Variants in RUNX1T1 observed in about 807,000 individuals in gnomAD.
RUNX1T1 encodes the protein RUNX1 partner transcriptional co-repressor 1, also known as protein CBFA2T1.
RUNX1T1 carries 4 observed loss-of-function variants against 62.8 expected under a neutral mutation model. The ratio of observed to expected loss-of-function variants is 0.06; its 90% CI spans 0.03 to 0.15. The LOEUF (loss-of-function observed/expected upper bound fraction) is 0.15. Ranked by LOEUF, RUNX1T1 falls within the 10% of genes least tolerant of loss-of-function variation. RUNX1T1 has a pLI of 1.00. For missense variants in RUNX1T1, 508 were observed against 754.3 expected (o/e 0.67, Z 3.82); for synonymous variants, 291 against 286.0 (o/e 1.02, Z -0.18).
At chr8:91,998,817 G>T (rs1431933546) in intron 5 of RUNX1T1, among the ~76,000 whole-genome samples, 1 of 152,148 alleles carries the variant, frequency 6.6e-6, no homozygotes, top group East Asian at 1.9e-4. Context: ...TTTCTGGTCA[G>T]TGAACCAATC....
chr8:92,045,088 C>A (rs1400247444), intron 1 of RUNX1T1, among the ~76,000 whole-genome samples: 1 of 148,744 alleles, frequency 6.7e-6, no homozygotes, highest in Non-Finnish European at 1.5e-5. Flanking sequence ...AAAAAGATAT[C>A]GATATATATA....
chr8:92,082,456 T>A (rs2130827713), intron 1 of RUNX1T1, among the ~76,000 whole-genome samples: 1 of 151,122 alleles, frequency 6.6e-6, no homozygotes, highest in African/African-American at 2.4e-5. Context: ...TCTCTAAGAG[T>A]GACTTACAAA....
intron 5 of RUNX1T1, among the ~76,000 whole-genome samples, chr8:91,996,125 C>T (rs1818610097): frequency 6.6e-6 from 1 of 152,202 alleles, no homozygotes. Flanking sequence ...TAGTAGAAAT[C>T]TGAAGTGAGA....
chr8:92,096,756 A>G (rs1380451592), intron 1 of RUNX1T1, among the ~76,000 whole-genome samples: 2 of 152,128 alleles, frequency 1.3e-5, no homozygotes, highest in Non-Finnish European at 2.9e-5. Context: ...AGTTTTATGC[A>G]GGGGGTCTCC....
intron 1 of RUNX1T1, among the ~76,000 whole-genome samples, chr8:92,051,891 TA>T (rs113781343): frequency 0.038 from 5,384 of 142,070 alleles, 206 homozygotes; most frequent in African/African-American, 0.11. Context: ...TCATGCTCTT[TA>T]AAAAAAAAAA....
intron 1 of RUNX1T1, among the ~76,000 whole-genome samples, chr8:92,060,553 A>ATATATATATATATATGTGTGTGTG: frequency 4.5e-4 from 29 of 63,910 alleles, no homozygotes; most frequent in Non-Finnish European, 8.5e-4. Context: ...ATATATATAT[A>ATATATATATATATATGTGTGTGTG]TGTGTGTGTG....
At chr8:91,996,787 G>C (rs891023029) in intron 5 of RUNX1T1, among the ~76,000 whole-genome samples, 5 of 150,752 alleles carry the variant, frequency 3.3e-5, no homozygotes, top group African/African-American at 9.8e-5. Flanking sequence ...CTCAATAACA[G>C]AAACTGTAAA....
At chr8:91,981,404 CTTTTTTTTT>C (rs67366711) in intron 8 of RUNX1T1, among the ~76,000 whole-genome samples, 25 of 63,878 alleles carry the variant, frequency 3.9e-4, no homozygotes, top group South Asian at 1.2e-3. Flanking sequence ...AGTTACTAAG[CTTTTTTTTT>C]TTTTTTTTTT....
chr8:92,077,446 G>C (rs1340683215), intron 1 of RUNX1T1, among the ~76,000 whole-genome samples: 1 of 151,998 alleles, frequency 6.6e-6, no homozygotes, highest in Non-Finnish European at 1.5e-5. Context: ...GAGTGGGGGA[G>C]GGTGCACACA....
At chr8:92,064,308 T>TA (rs1226847479), upstream of RUNX1T1, among the ~76,000 whole-genome samples, 1 of 152,202 alleles carries the variant, frequency 6.6e-6, no homozygotes, top group Non-Finnish European at 1.5e-5. Flanking sequence ...AGACAACTTG[T>TA]AAAAAGACCA....
chr8:91,982,132 C>G (rs1456065374), intron 8 of RUNX1T1, among the ~76,000 whole-genome samples: 3 of 150,496 alleles, frequency 2.0e-5, no homozygotes, highest in Non-Finnish European at 4.4e-5. Flanking sequence ...CCTGTAGTCC[C>G]AATTACTTAG....
intron 1 of RUNX1T1, among the ~76,000 whole-genome samples, chr8:92,083,809 T>C (rs1320867826): frequency 2.0e-5 from 3 of 152,220 alleles, no homozygotes; most frequent in Non-Finnish European, 2.9e-5. Flanking sequence ...CATATGTTTA[T>C]TGCAGCACTG....
intron 1 of RUNX1T1, among the ~76,000 whole-genome samples, chr8:92,032,122 T>C (rs1487423818): frequency 1.7e-5 from 2 of 117,998 alleles, no homozygotes; most frequent in Non-Finnish European, 3.6e-5. Context: ...AAAAAAAGCA[T>C]GACAAAACTA....
intron 1 of RUNX1T1, among the ~76,000 whole-genome samples, chr8:92,079,060 G>T (rs1178835282): frequency 6.6e-6 from 1 of 152,134 alleles, no homozygotes; most frequent in Non-Finnish European, 1.5e-5. Context: ...ATCACTGCCA[G>T]GAATCCTTTC....
chr8:92,070,133 T>C (rs1050994367), intron 2 of RUNX1T1, among the ~76,000 whole-genome samples: 2 of 152,134 alleles, frequency 1.3e-5, no homozygotes, highest in African/African-American at 4.8e-5. Context: ...TTCTCCCCAT[T>C]CAGTTTTCAG....
intron 5 of RUNX1T1, among the ~76,000 whole-genome samples, chr8:91,997,096 C>T (rs1176411165): frequency 6.6e-6 from 1 of 152,078 alleles, no homozygotes; most frequent in East Asian, 1.9e-4. Context: ...CACTGCACTC[C>T]AGCCTAGGTG....
chr8:92,011,155 A>T (rs1388620663), intron 3 of RUNX1T1, 64 bp from the exon 5 acceptor site: 5 of 885,758 alleles, frequency 5.6e-6, no homozygotes, highest in African/African-American at 5.0e-5. Flanking sequence ...AACACAAACA[A>T]ATTAATTATT....
intron 5 of RUNX1T1, among the ~76,000 whole-genome samples, chr8:91,998,634 G>A (rs770815335): frequency 4.6e-5 from 7 of 152,228 alleles, no homozygotes; most frequent in Non-Finnish European, 7.3e-5. Flanking sequence ...CTTCCGTCAC[G>A]TGTCTGAAGC....
chr8:92,050,965 C>T (rs1375936923), intron 1 of RUNX1T1, among the ~76,000 whole-genome samples: 2 of 152,144 alleles, frequency 1.3e-5, no homozygotes, highest in African/African-American at 4.8e-5. Flanking sequence ...TAAATCTTCC[C>T]ATCACTCAGC....
Sources: gnomAD v4.1 joint callset for allele counts (sites outside exome capture counted in the v4.1 genomes callset) on GRCh38, gnomAD v4.1.1 for gene constraint, MANE v1.5 for transcripts, NCBI Gene and HGNC (gene_info 2026-07-23, HGNC 2026-07-21) for gene names.